Variants in TTC39B observed in about 807,000 individuals in gnomAD.
TTC39B encodes the protein tetratricopeptide repeat protein 39B.
A neutral mutation model predicts 96.6 loss-of-function variants in TTC39B; 92 were observed. That is an observed-to-expected ratio of 0.95 (90% CI 0.80 to 1.13). The LOEUF (loss-of-function observed/expected upper bound fraction) is 1.13. TTC39B is among the 50% of genes most tolerant of loss of function. The probability of loss-of-function intolerance (pLI) is 0.00; values close to 1 mark genes in which losing one functional copy is unlikely to be tolerated. For synonymous variants in TTC39B, 367 were observed against 299.4 expected (o/e 1.23, Z -2.33); for missense variants, 955 against 809.3 (o/e 1.18, Z -2.18).
exon 20 of TTC39B, chr9:15,164,666 A>AATCAATATT (rs58765453): frequency 1.1e-3 from 174 of 152,338 alleles, no homozygotes; most frequent in African/African-American, 4.0e-3. Context: ...AACATCTGCA[A>AATCAATATT]ATCAATATTT....
At chr9:15,290,013 C>T (rs565124730) in intron 1 of TTC39B, among the ~76,000 whole-genome samples, 154 of 152,264 alleles carry the variant, frequency 1.0e-3, no homozygotes, top group Non-Finnish European at 1.7e-3. Context: ...TGATTTGTGA[C>T]ACCTAACACT....
At chr9:15,230,761 G>T (rs1369656859) in intron 2 of TTC39B, among the ~76,000 whole-genome samples, 1 of 152,148 alleles carries the variant, frequency 6.6e-6, no homozygotes, top group Non-Finnish European at 1.5e-5. Context: ...GAGGAGGGCA[G>T]ATCACTTGAG....
intron 1 of TTC39B, among the ~76,000 whole-genome samples, chr9:15,274,346 C>T (rs1259207530): frequency 6.6e-6 from 1 of 152,234 alleles, no homozygotes; most frequent in Non-Finnish European, 1.5e-5. Context: ...AGCATTTAAA[C>T]TCTCCAACTA....
In TTC39B at chr9:15,229,384, T is replaced by G. The variant is rs1821302973; in HGVS notation, c.276-3372A>C. ...CATTTAATTCCCTAGGGAGTATATA[T>G]CTTGTTTGGCTTGCTATTTACTATT... On this transcript the variant is annotated intron_variant, in intron 2 of 19. Transcript: ENST00000512701. Among the ~76,000 whole-genome samples the G allele has an allele frequency of 2.0e-5, 3 of 152,290 alleles. No individual in the cohort carries two copies. The South Asian group carries it at 6.2e-4, about 32-fold the overall frequency.
chr9:15,253,258 A>G (rs185133715), intron 2 of TTC39B, among the ~76,000 whole-genome samples: 32 of 152,362 alleles, frequency 2.1e-4, no homozygotes, highest in African/African-American at 7.2e-4. Flanking sequence ...CCTAAAGGCA[A>G]TCACAAATTT....
At chr9:15,302,534 C>T (rs1316928874) in intron 1 of TTC39B, among the ~76,000 whole-genome samples, 5 of 92,482 alleles carry the variant, frequency 5.4e-5, no homozygotes, top group Non-Finnish European at 8.2e-5. Context: ...AGCGAGATTC[C>T]GTCTCAAAAA....
intron 3 of TTC39B, among the ~76,000 whole-genome samples, chr9:15,225,646 T>G (rs950612555): frequency 6.6e-6 from 1 of 152,198 alleles, no homozygotes; most frequent in Admixed American, 6.5e-5. Flanking sequence ...CTAAAAATAT[T>G]TAAAGATAAA....
intron 6 of TTC39B, among the ~76,000 whole-genome samples, chr9:15,204,994 A>G (rs1483479132): frequency 1.3e-5 from 2 of 152,194 alleles, no homozygotes; most frequent in Non-Finnish European, 2.9e-5. Context: ...TGGGATGCAA[A>G]GTGGCATGAT....
At chr9:15,183,547 T>A (rs1564317691) in intron 16 of TTC39B, 3 of 323,424 alleles carry the variant, frequency 9.3e-6, no homozygotes, top group Admixed American at 4.5e-5. Flanking sequence ...GAGAAAGAAG[T>A]GCAGGGAGTT....
At chr9:15,234,206 C>T (rs1157505832) in intron 2 of TTC39B, among the ~76,000 whole-genome samples, 4 of 151,464 alleles carry the variant, frequency 2.6e-5, no homozygotes, top group Non-Finnish European at 5.9e-5. Context: ...GCAGCCACCC[C>T]GTCTGGGAAG....
At position 15,199,871 on chromosome 9, in the gene TTC39B, G is replaced by A; in HGVS notation, c.814C>T (p.Gln272Ter). The A allele has an allele frequency of 6.7e-7, 1 of 1,500,030 alleles. No individual in the cohort carries two copies. Among genetic ancestry groups the A allele is most frequent in the Non-Finnish European group, 9.1e-7 (1 of 1,093,832 alleles). 92.9% of individuals were successfully genotyped at this position (1,500,030 alleles called of 1,614,324 possible). Residue 272 changes from glutamine to a stop codon, truncating the protein, a stop_gained, in exon 8 of 20, where the codon CAA becomes TAA. Transcript: ENST00000512701. LOFTEE classifies it high-confidence loss of function. Reference sequence around the variant, plus strand: ...TACTTTTTAACTTACTTATATATTTGGTAACTTGTTCTAATTTTGAGTCCA... The same window carrying A: ...TACTTTTTAACTTACTTATATATTTAGTAACTTGTTCTAATTTTGAGTCCA...
chr9:15,258,111 G>A (rs988014869), intron 2 of TTC39B, among the ~76,000 whole-genome samples: 4 of 152,090 alleles, frequency 2.6e-5, no homozygotes, highest in African/African-American at 7.2e-5. Flanking sequence ...AGTAAGTGGG[G>A]TGCAGTTGGA....
At chr9:15,275,718 G>A (rs547424337) in intron 1 of TTC39B, among the ~76,000 whole-genome samples, 1 of 152,194 alleles carries the variant, frequency 6.6e-6, no homozygotes, top group Non-Finnish European at 1.5e-5. Context: ...ATAAGGTAAG[G>A]CCCCAAGGTA....
At chr9:15,209,326 A>G (rs1392489289) in intron 6 of TTC39B, among the ~76,000 whole-genome samples, 1 of 152,182 alleles carries the variant, frequency 6.6e-6, no homozygotes, top group African/African-American at 2.4e-5. Context: ...CCTCCCATCT[A>G]TCTGATCAGG....
intron 8 of TTC39B, among the ~76,000 whole-genome samples, chr9:15,194,888 C>A (rs924222861): frequency 6.6e-6 from 1 of 152,210 alleles, no homozygotes; most frequent in African/African-American, 2.4e-5. Flanking sequence ...CCTCCTCAGG[C>A]CTCCCTATTC....
chr9:15,199,683 C>G (rs577143981), intron 8 of TTC39B, among the ~76,000 whole-genome samples, 178 bp downstream of exon 8: 1 of 120,806 alleles, frequency 8.3e-6, no homozygotes, highest in Non-Finnish European at 1.6e-5. Flanking sequence ...TGCAGTGAGC[C>G]GAGATTGCGC....
At chr9:15,234,012 C>T (rs968822645) in intron 2 of TTC39B, among the ~76,000 whole-genome samples, 5 of 124,120 alleles carry the variant, frequency 4.0e-5, no homozygotes, top group African/African-American at 7.8e-5. Flanking sequence ...CCCGCTGCCC[C>T]GTCTGGGATG....
intron 4 of TTC39B, among the ~76,000 whole-genome samples, chr9:15,213,700 T>A (rs1236386851): frequency 6.6e-6 from 1 of 152,234 alleles, no homozygotes; most frequent in East Asian, 1.9e-4. Context: ...ATTAAATTGC[T>A]TGTTTTTCGA....
chr9:15,200,007 G>C (rs1462604853), intron 7 of TTC39B, 82 bp from the exon 8 acceptor site: 3 of 716,352 alleles, frequency 4.2e-6, no homozygotes, highest in South Asian at 2.2e-5. Context: ...TGTGTGATTA[G>C]AAAAACAAAA....
Sources: allele counts gnomAD v4.1 joint callset (sites outside exome capture counted in the v4.1 genomes callset), GRCh38; gene constraint gnomAD v4.1.1; transcripts MANE v1.5; gene names NCBI Gene and HGNC (gene_info 2026-07-23, HGNC 2026-07-21).